The following TBC1D19 variants were observed in gnomAD, a reference collection of about 807,000 sequenced individuals.
TBC1D19 encodes TBC1 domain family member 19.
Under a neutral mutation model 89.0 loss-of-function variants are expected in TBC1D19, and 60 were observed. That is an observed-to-expected ratio of 0.67 (90% CI 0.55 to 0.84). The LOEUF is 0.84. Among genes scored for constraint, TBC1D19 ranks in the 40% least tolerant of loss-of-function variants. TBC1D19 has a pLI of 0.00. For missense variants in TBC1D19, 500 were observed against 610.8 expected (o/e 0.82, Z 1.91); for synonymous variants, 189 against 199.7 (o/e 0.95, Z 0.45).
chr4:26,600,934 T>C (rs1455658928), intron 1 of TBC1D19, among the ~76,000 whole-genome samples: 3 of 152,148 alleles, frequency 2.0e-5, no homozygotes, highest in East Asian at 1.9e-4. Context: ...GAAATAAAGA[T>C]AGTAGTAATT....
rs527726274 is a variant in TBC1D19, at chr4:26,754,074, A to G, written c.1506+184A>G. 76 of 567,520 alleles carry G rather than the reference A, an allele frequency of 1.3e-4. No homozygotes were observed. The East Asian group carries it at 2.2e-3, about 16-fold the overall frequency. 35.2% of individuals were successfully genotyped at this position (567,520 alleles called of 1,614,324 possible). A position where few individuals can be genotyped will look rare whatever the true frequency, so the allele number is the denominator to read the frequency against. Reference sequence around the variant, plus strand: ...CAAATTTCTTTAATTACTTGAGAAAAGTCTTCTTATGAAGGAGTAATAAAC... The same window carrying G: ...CAAATTTCTTTAATTACTTGAGAAAGGTCTTCTTATGAAGGAGTAATAAAC... On this transcript the variant is annotated intron_variant, in intron 20 of 20. Coordinates refer to ENST00000264866, the MANE Select transcript of TBC1D19 (RefSeq NM_018317.4).
chr4:26,674,328 A>C (rs576977470), intron 11 of TBC1D19, among the ~76,000 whole-genome samples: 1 of 152,210 alleles, frequency 6.6e-6, no homozygotes, highest in South Asian at 2.1e-4. Flanking sequence ...ATTAAGTGGG[A>C]ATGTTATTTT....
chr4:26,642,289 A>G (rs1223220396), intron 7 of TBC1D19, among the ~76,000 whole-genome samples: 1 of 152,368 alleles, frequency 6.6e-6, no homozygotes, highest in South Asian at 2.1e-4. Flanking sequence ...ATTCTTAAAG[A>G]AAAGAATTTT....
chr4:26,624,907 AG>A (rs1306828614), intron 4 of TBC1D19, among the ~76,000 whole-genome samples: 3 of 152,144 alleles, frequency 2.0e-5, no homozygotes, highest in Non-Finnish European at 4.4e-5. Context: ...CGCACTGGGA[AG>A]GAGTAGTATA....
At chr4:26,630,362 A>T (rs1267083802) in intron 4 of TBC1D19, among the ~76,000 whole-genome samples, 2 of 152,056 alleles carry the variant, frequency 1.3e-5, no homozygotes, top group Admixed American at 1.3e-4. Context: ...GTTAAAAACC[A>T]TTCACTTTCC....
At chr4:26,678,897 T>A (rs577204740) in intron 11 of TBC1D19, among the ~76,000 whole-genome samples, 3 of 152,176 alleles carry the variant, frequency 2.0e-5, no homozygotes, top group Non-Finnish European at 4.4e-5. Flanking sequence ...GCTTAGTGAT[T>A]TGGGGACCCC....
At chr4:26,801,898 TGA>T in the TBC1D19 span, among the ~76,000 whole-genome samples, 2 of 151,960 alleles carry the variant, frequency 1.3e-5, no homozygotes, top group East Asian at 1.9e-4. Context: ...GGTGAAAAAA[TGA>T]GAGAGATTGA....
At chr4:26,650,843 T>C (rs1277674302) in intron 7 of TBC1D19, among the ~76,000 whole-genome samples, 1 of 152,220 alleles carries the variant, frequency 6.6e-6, no homozygotes, top group Non-Finnish European at 1.5e-5. Context: ...TTTTATGGTT[T>C]TAGGTCTCAC....
At chr4:26,681,095 A>C (rs1475420548) in intron 11 of TBC1D19, among the ~76,000 whole-genome samples, 1 of 152,226 alleles carries the variant, frequency 6.6e-6, no homozygotes, top group Non-Finnish European at 1.5e-5. Context: ...GGGAAAGTGC[A>C]AATTAATACA....
rs184620109 is a variant in TBC1D19, at chr4:26,634,060, T to A, written c.295-3151T>A. 5.0e-3 allele frequency among the ~76,000 whole-genome samples: 729 copies of A among 147,242 alleles called. 7 individuals carry two copies. Among genetic ancestry groups the A allele is most frequent in the African/African-American group, 0.017 (650 of 39,168 alleles). On this transcript the variant is annotated intron_variant, in intron 4 of 20. Transcript: ENST00000264866. ...AGCTGTATTTTCAATGCTAGATAGA[T>A]AAAAGAGTATTTTGCAAAAAAAAAA...
chr4:26,667,564 A>G (rs1711920823), intron 9 of TBC1D19, among the ~76,000 whole-genome samples: 1 of 152,088 alleles, frequency 6.6e-6, no homozygotes, highest in Admixed American at 6.6e-5. Context: ...CACTGGATGC[A>G]TATACCACAC....
At chr4:26,583,574 A>G (rs539259438), upstream of TBC1D19, among the ~76,000 whole-genome samples, 6 of 152,324 alleles carry the variant, frequency 3.9e-5, no homozygotes, top group African/African-American at 1.4e-4. Flanking sequence ...TATTCCTGGT[A>G]TAAGACTCTA....
chr4:26,695,951 T>C (rs1714738102), intron 13 of TBC1D19, among the ~76,000 whole-genome samples: 1 of 152,120 alleles, frequency 6.6e-6, no homozygotes, highest in Non-Finnish European at 1.5e-5. Flanking sequence ...CTGCATCAAC[T>C]AGCGAACAAA....
At position 26,590,796 on chromosome 4, in the gene TBC1D19, G is replaced by GTTTTTTTTTTTTTTT. The variant is rs869124166; in HGVS notation, c.99+6521_99+6535dup. On this transcript the variant is annotated intron_variant, in intron 1 of 20. Coordinates refer to ENST00000264866, the MANE Select transcript of TBC1D19 (RefSeq NM_018317.4). ...GGTTCACTCTTTGTCTTGCAGGTCTGTTTTTTTTTTTTTTTTTTTTTTTTT... is the reference window on the plus strand; with the variant it reads ...GGTTCACTCTTTGTCTTGCAGGTCTGTTTTTTTTTTTTTTTTTTTTTTTTTTTTTTTTTTTTTTTT... Among the ~76,000 whole-genome samples, 246 of 52,938 alleles carry GTTTTTTTTTTTTTTT rather than the reference G, an allele frequency of 4.6e-3. 29 individuals carry two copies. Among genetic ancestry groups the GTTTTTTTTTTTTTTT allele is most frequent in the Non-Finnish European group, 5.7e-3 (182 of 31,770 alleles). 34.7% of individuals were successfully genotyped at this position (52,938 alleles called of 152,430 possible).
At chr4:26,720,241 C>A (rs1240418313) in intron 15 of TBC1D19, 116 bp downstream of exon 15, 3 of 747,928 alleles carry the variant, frequency 4.0e-6, no homozygotes, top group Non-Finnish European at 6.2e-6. Context: ...CTAAAATAAA[C>A]CTTCCATAGA....
chr4:26,770,049 C>T, the TBC1D19 span, among the ~76,000 whole-genome samples: 1 of 148,428 alleles, frequency 6.7e-6, no homozygotes, highest in African/African-American at 2.5e-5. Context: ...AAACAAAAAA[C>T]AGATGGAGAA....
At chr4:26,795,099 C>A in the TBC1D19 span, among the ~76,000 whole-genome samples, 25 of 152,290 alleles carry the variant, frequency 1.6e-4, no homozygotes, top group Admixed American at 1.5e-3. Flanking sequence ...ATGCCAAACT[C>A]CATATGCTGG....
chr4:26,770,895 CT>C, the TBC1D19 span, among the ~76,000 whole-genome samples: 1 of 151,996 alleles, frequency 6.6e-6, no homozygotes, highest in Non-Finnish European at 1.5e-5. Context: ...AAAAGGGAAG[CT>C]TGAAAGTATT....
the TBC1D19 span, among the ~76,000 whole-genome samples, chr4:26,763,680 CAACCTTGACAAAATA>C: frequency 1.3e-5 from 2 of 152,222 alleles, no homozygotes; most frequent in Admixed American, 1.3e-4. Flanking sequence ...CACACGTCCT[CAACCTTGACAAAATA>C]AACTTTCTAA....
Sources: allele counts gnomAD v4.1 joint callset (sites outside exome capture counted in the v4.1 genomes callset), GRCh38; gene constraint gnomAD v4.1.1; transcripts MANE v1.5; gene names NCBI Gene and HGNC (gene_info 2026-07-23, HGNC 2026-07-21).